The following ZNF670 variants were observed in gnomAD, a reference collection of about 807,000 sequenced individuals.
The protein encoded by ZNF670 is zinc finger protein 670.
ZNF670 carries 7 observed loss-of-function variants against 10.9 expected under a neutral mutation model. That is an observed-to-expected ratio of 0.64 (90% CI 0.36 to 1.20). The LOEUF is 1.20. Ranked by LOEUF, ZNF670 falls within the 50% of genes most tolerant of loss-of-function variation. The probability of loss-of-function intolerance (pLI) is 0.02; values close to 1 mark genes in which losing one functional copy is unlikely to be tolerated. For missense variants in ZNF670, 446 were observed against 458.6 expected, an observed-to-expected ratio of 0.97 and a Z score of 0.25; for synonymous variants, 136 against 152.7, an observed-to-expected ratio of 0.89 and a Z score of 0.81.
chr1:247,037,574 A>G lies in ZNF670; in HGVS notation c.1045T>C (p.Ser349Pro). Residue 349 changes from serine (S) to proline (P), a missense_variant, in exon 4 of 4, where the codon TCC becomes CCC. Transcript: ENST00000366503. ...CTTTCATGGCTTCGAAGGGCACTGG[A>G]AGAAGTAAACGACTTACCACATTCC... is the stretch of plus-strand genomic sequence containing the variant. ...CKECGKSFTS[S>P]SALRSHERTH... 1 of 1,614,120 alleles carries G rather than the reference A, an allele frequency of 6.2e-7. No homozygotes were observed. The highest frequency in any genetic ancestry group is 8.5e-7 in the Non-Finnish European group (1 of 1,179,998).
At chr1:247,039,291 C>T (rs1222466153) in intron 2 of ZNF670, 120 bp downstream of exon 2, 2 of 1,138,626 alleles carry the variant, frequency 1.8e-6, no homozygotes, top group Non-Finnish European at 1.2e-6. Flanking sequence ...GAACTCCTGA[C>T]CTCAGGCGAT....
At chr1:247,045,616 A>C (rs1481343929) in intron 1 of ZNF670, among the ~76,000 whole-genome samples, 1 of 152,188 alleles carries the variant, frequency 6.6e-6, no homozygotes, top group South Asian at 2.1e-4. Context: ...CTTTCTTTAT[A>C]AACTACCCAG....
At chr1:247,063,779 C>T (rs1042379680) in intron 1 of ZNF670, among the ~76,000 whole-genome samples, 1 of 152,228 alleles carries the variant, frequency 6.6e-6, no homozygotes, top group East Asian at 1.9e-4. Flanking sequence ...CCACACAAAC[C>T]CTGCACACCA....
At chr1:247,050,560 C>G (rs1365919658) in intron 1 of ZNF670, among the ~76,000 whole-genome samples, 1 of 151,646 alleles carries the variant, frequency 6.6e-6, no homozygotes, top group Non-Finnish European at 1.5e-5. Flanking sequence ...ACTGCAACCT[C>G]CATCTCCCGG....
chr1:247,052,279 G>C (rs1430373065), intron 1 of ZNF670, among the ~76,000 whole-genome samples: 1 of 152,160 alleles, frequency 6.6e-6, no homozygotes, highest in African/African-American at 2.4e-5. Context: ...GTCTCACAGG[G>C]TGATGCCTTG....
At chr1:247,075,982 T>A (rs954345590) in intron 1 of ZNF670, among the ~76,000 whole-genome samples, 2 of 152,220 alleles carry the variant, frequency 1.3e-5, no homozygotes, top group African/African-American at 4.8e-5. Flanking sequence ...CTCCTTCTTG[T>A]CTCTTTGGAA....
intron 1 of ZNF670, among the ~76,000 whole-genome samples, chr1:247,045,286 G>C (rs1353028779): frequency 1.3e-5 from 2 of 152,176 alleles, no homozygotes; most frequent in Admixed American, 6.5e-5. Context: ...ATACGGTTTG[G>C]CTGTGTGTTT....
Position 247,078,618 on chromosome 1 carries a change from G to A in ZNF670, c.-22C>T, listed in dbSNP as rs776394826. The A allele has an allele frequency of 1.1e-5, 18 of 1,613,664 alleles. No homozygotes were observed. In the South Asian group the frequency reaches 2.0e-4, roughly 18 times the overall value. On this transcript the variant is annotated 5_prime_UTR_variant, in exon 1 of 4. Coordinates refer to ENST00000366503, the MANE Select transcript of ZNF670 (RefSeq NM_033213.5). ...CCATTTCCCAGTCTCCGGTGTCTGG[G>A]GTCCTCCCTAAGGACCTTCCGGGAC... is the stretch of plus-strand genomic sequence containing the variant.
chr1:247,036,087 T>C lies in ZNF670; in HGVS notation c.*1362A>G, dbSNP rs1670142789. ...ACAAATTTCACCCAGATAACCATAA[T>C]ATATTTATATCTGAAAGCCAGTTAA... On this transcript the variant is annotated 3_prime_UTR_variant, in exon 4 of 4. Coordinates refer to ENST00000366503, the MANE Select transcript of ZNF670 (RefSeq NM_033213.5). 6.6e-6 allele frequency among the ~76,000 whole-genome samples: 1 copy of C among 152,126 alleles called. No homozygotes were observed. The highest frequency in any genetic ancestry group is 2.1e-4 in the South Asian group (1 of 4,826).
rs67112261 is a variant in ZNF670 at position 247,072,853 on chromosome 1, T to TACACAC, written c.3+5735_3+5740dup. ...ATATATATATATGCATACACACACA[T>TACACAC]ACACACACACACACAAACATCTTTT... On this transcript the variant is annotated intron_variant, in intron 1 of 3. Coordinates refer to ENST00000366503, the MANE Select transcript of ZNF670 (RefSeq NM_033213.5). 8.9e-3 allele frequency among the ~76,000 whole-genome samples: 892 copies of TACACAC among 99,942 alleles called. 48 individuals carry two copies. Among genetic ancestry groups the TACACAC allele is most frequent in the African/African-American group, 0.032 (827 of 25,694 alleles). The allele number at this position is 99,942 out of a possible 152,430, so 65.6% of individuals were successfully genotyped here.
At chr1:247,053,934 G>A (rs774284626) in intron 1 of ZNF670, among the ~76,000 whole-genome samples, 9 of 152,330 alleles carry the variant, frequency 5.9e-5, no homozygotes, top group Non-Finnish European at 8.8e-5. Flanking sequence ...AAAAGGCACT[G>A]AAAAGATTAG....
At chr1:247,069,177 TAA>T (rs1671060523) in intron 1 of ZNF670, among the ~76,000 whole-genome samples, 1 of 151,106 alleles carries the variant, frequency 6.6e-6, no homozygotes, top group South Asian at 2.1e-4. Context: ...TAACGTAACT[TAA>T]AGAGTGTAAT....
chr1:247,036,175 CAT>C lies in ZNF670; in HGVS notation c.*1272_*1273del, dbSNP rs2103049204. Among the ~76,000 whole-genome samples the C allele has an allele frequency of 6.6e-6, 1 of 152,166 alleles. No homozygotes were observed. The highest frequency in any genetic ancestry group is 2.1e-4 in the South Asian group (1 of 4,824). ...TCATCTCAATAGATGCAGAAAAAAA[CAT>C]GTCATAAGAGTTCAACACTCCTTTA... On this transcript the variant is annotated 3_prime_UTR_variant, in exon 4 of 4. Coordinates refer to ENST00000366503, the MANE Select transcript of ZNF670 (RefSeq NM_033213.5).
At chr1:247,072,804 G>GTATGTATATATATA (rs1553323550) in intron 1 of ZNF670, among the ~76,000 whole-genome samples, 1 of 47,664 alleles carries the variant, frequency 2.1e-5, no homozygotes, top group Non-Finnish European at 3.6e-5. Flanking sequence ...AAAAGTGTGT[G>GTATGTATATATATA]TATATATATA....
rs1670361065 is a variant in ZNF670, at chr1:247,043,232, G to C, written c.4-3695C>G. Reference sequence around the variant, plus strand: ...GCATCACTAACACAGCACTGAAGGAGGACTTTGGATTTAAGCATTGTCTCT... The same window carrying C: ...GCATCACTAACACAGCACTGAAGGACGACTTTGGATTTAAGCATTGTCTCT... On this transcript the variant is annotated intron_variant, in intron 1 of 3. Transcript: ENST00000366503. 5.8e-6 allele frequency: 4 copies of C among 691,514 alleles called. No homozygotes were observed. The Admixed American group carries it at 7.3e-5, about 13-fold the overall frequency. 42.8% of individuals were successfully genotyped at this position (691,514 alleles called of 1,614,324 possible).
chr1:247,042,158 T>C (rs1670326113), intron 1 of ZNF670, among the ~76,000 whole-genome samples: 1 of 152,244 alleles, frequency 6.6e-6, no homozygotes. Flanking sequence ...AATTTTTATG[T>C]TTCTTTGCCT....
In ZNF670 at chr1:247,038,060, G is replaced by A. The variant is rs868829778; in HGVS notation, c.559C>T (p.Pro187Ser). 1 of 1,614,128 alleles carries A rather than the reference G, an allele frequency of 6.2e-7. No individual in the cohort carries two copies. The highest frequency in any genetic ancestry group is 8.5e-7 in the Non-Finnish European group (1 of 1,180,002). The change falls in exon 4 of 4, where the codon CCT (proline) becomes TCT (serine). Residue 187 changes from proline to serine, a missense_variant. Physicochemically the swap from Pro to Ser is moderately conservative, Grantham distance 74. Transcript: ENST00000366503. ...PFDFPSVFQM[P>S]QSTYTGEKTY... ...TTCTCTCCAGTGTAAGTGCTCTGAG[G>A]CATTTGAAATACACTAGGAAAATCA...
intron 1 of ZNF670, among the ~76,000 whole-genome samples, chr1:247,061,118 G>A (rs1026950179): frequency 1.3e-5 from 2 of 151,962 alleles, no homozygotes; most frequent in African/African-American, 2.4e-5. Context: ...CAAATGTTAC[G>A]TATGCAGAAA....
chr1:247,077,765 T>C (rs764269274), intron 1 of ZNF670, among the ~76,000 whole-genome samples: 1 of 152,228 alleles, frequency 6.6e-6, no homozygotes, highest in Non-Finnish European at 1.5e-5. Context: ...GGGTCGTTGA[T>C]GTGAGATCCT....
Sources: gnomAD v4.1 joint callset for allele counts (sites outside exome capture counted in the v4.1 genomes callset) on GRCh38, gnomAD v4.1.1 for gene constraint, MANE v1.5 for transcripts, NCBI Gene and HGNC (gene_info 2026-07-23, HGNC 2026-07-21) for gene names.